The following GNA14 variants were observed in gnomAD, a reference collection of about 807,000 sequenced individuals.
GNA14 encodes the protein guanine nucleotide-binding protein subunit alpha-14.
In GNA14, 50 loss-of-function variants were observed where a neutral mutation model predicts 42.0. The ratio of observed to expected loss-of-function variants is 1.19; its 90% confidence interval spans 0.95 to 1.51. GNA14 has a LOEUF of 1.51. GNA14 is among the 40% of genes most tolerant of loss of function. GNA14 has a pLI of 0.00. For synonymous variants in GNA14, 173 were observed against 163.1 expected, an observed-to-expected ratio of 1.06 and a Z score of -0.46; for missense variants, 473 against 446.2, an observed-to-expected ratio of 1.06 and a Z score of -0.54.
At chr9:77,459,520 A>G (rs974660054) in intron 2 of GNA14, among the ~76,000 whole-genome samples, 6 of 151,828 alleles carry the variant, frequency 4.0e-5, no homozygotes, top group African/African-American at 1.5e-4. Context: ...CCTCCCCAAC[A>G]TACGGCCCCA....
At chr9:77,579,295 A>G (rs1823178084) in intron 1 of GNA14, among the ~76,000 whole-genome samples, 1 of 152,084 alleles carries the variant, frequency 6.6e-6, no homozygotes, top group African/African-American at 2.4e-5. Flanking sequence ...GCCAACAAAC[A>G]CCCATACCCA....
intron 1 of GNA14, among the ~76,000 whole-genome samples, chr9:77,592,096 AAT>A (rs1356323890): frequency 2.0e-5 from 3 of 151,768 alleles, no homozygotes; most frequent in Non-Finnish European, 4.4e-5. Context: ...TTGTATTTTT[AAT>A]AGAGACGGGG....
At chr9:77,475,540 G>A (rs190530916) in intron 2 of GNA14, among the ~76,000 whole-genome samples, 1 of 151,562 alleles carries the variant, frequency 6.6e-6, no homozygotes, top group Non-Finnish European at 1.5e-5. Flanking sequence ...AGAGCTGGGG[G>A]AATCTGGCTG....
chr9:77,473,516 C>T (rs1836367520), intron 2 of GNA14, among the ~76,000 whole-genome samples: 1 of 151,534 alleles, frequency 6.6e-6, no homozygotes, highest in African/African-American at 2.4e-5. Flanking sequence ...AAACATCCCA[C>T]ATTCATGAAT....
At chr9:77,494,584 T>C (rs889181878) in intron 2 of GNA14, among the ~76,000 whole-genome samples, 6 of 152,244 alleles carry the variant, frequency 3.9e-5, no homozygotes, top group African/African-American at 1.4e-4. Flanking sequence ...GTATTTCTTA[T>C]ACATATTTGG....
chr9:77,423,860 C>T lies in GNA14; in HGVS notation c.*119G>A, dbSNP rs150360006. ...CACCCATCTCTGTCCCCACGATCTACATGACATCCTTAGTTCCTGGCATGG... is the reference window on the plus strand; with the variant it reads ...CACCCATCTCTGTCCCCACGATCTATATGACATCCTTAGTTCCTGGCATGG... On this transcript the variant is annotated 3_prime_UTR_variant, in exon 7 of 7. Coordinates refer to ENST00000341700, the MANE Select transcript of GNA14 (RefSeq NM_004297.4). 5.0e-4 allele frequency: 290 copies of T among 585,748 alleles called. No homozygotes were observed. The highest frequency in any genetic ancestry group is 4.8e-3 in the African/African-American group (252 of 52,666). 36.3% of individuals were successfully genotyped at this position (585,748 alleles called of 1,614,324 possible).
intron 2 of GNA14, among the ~76,000 whole-genome samples, chr9:77,479,238 T>C (rs1836496027): frequency 6.6e-6 from 1 of 152,244 alleles, no homozygotes; most frequent in Admixed American, 6.5e-5. Flanking sequence ...GCTTTCTACA[T>C]ATGGCGAGCC....
intron 2 of GNA14, among the ~76,000 whole-genome samples, chr9:77,503,728 G>A (rs1042134027): frequency 1.3e-5 from 2 of 149,574 alleles, no homozygotes; most frequent in Non-Finnish European, 3.0e-5. Context: ...TGTGATCTCG[G>A]CTCACTGCAG....
intron 2 of GNA14, among the ~76,000 whole-genome samples, chr9:77,524,268 G>A (rs761416624): frequency 3.9e-5 from 6 of 152,090 alleles, no homozygotes; most frequent in Non-Finnish European, 7.4e-5. Flanking sequence ...AAACAAATGC[G>A]GAACTAAATT....
chr9:77,461,755 T>TGAAC (rs149831728), intron 2 of GNA14, among the ~76,000 whole-genome samples: 3 of 116,516 alleles, frequency 2.6e-5, no homozygotes, highest in African/African-American at 9.5e-5. Context: ...TAGAATTTCT[T>TGAAC]GAATAATAGT....
intron 1 of GNA14, among the ~76,000 whole-genome samples, chr9:77,530,379 G>A (rs1411771095): frequency 6.6e-6 from 1 of 152,108 alleles, no homozygotes; most frequent in African/African-American, 2.4e-5. Context: ...ATGATTGTAA[G>A]TTTCCTGAGG....
At chr9:77,562,766 T>C in intron 1 of GNA14, among the ~76,000 whole-genome samples, 1 of 152,324 alleles carries the variant, frequency 6.6e-6, no homozygotes, top group African/African-American at 2.4e-5. Flanking sequence ...TAACTTTATG[T>C]TTAAAATTTT....
At chr9:77,501,420 T>C (rs1836968823) in intron 2 of GNA14, among the ~76,000 whole-genome samples, 2 of 152,176 alleles carry the variant, frequency 1.3e-5, no homozygotes, top group South Asian at 2.1e-4. Context: ...TAATACCTCA[T>C]TGTGATTTTA....
At chr9:77,602,589 TCTC>T (rs1823584405) in intron 1 of GNA14, among the ~76,000 whole-genome samples, 1 of 151,532 alleles carries the variant, frequency 6.6e-6, no homozygotes, top group South Asian at 2.1e-4. Flanking sequence ...CATTCTCCTC[TCTC>T]CTCCTCTCCA....
chr9:77,437,634 G>GA (rs951306546), intron 2 of GNA14, among the ~76,000 whole-genome samples: 2 of 151,356 alleles, frequency 1.3e-5, no homozygotes, highest in Non-Finnish European at 2.9e-5. Context: ...AAGAAAGAAA[G>GA]AAAAAAGGAA....
At position 77,521,892 on chromosome 9, in the gene GNA14, G is replaced by C. The variant is rs1430313859; in HGVS notation, c.309+7177C>G. 2.0e-5 allele frequency among the ~76,000 whole-genome samples: 3 copies of C among 152,182 alleles called. No homozygotes were observed. In the South Asian group the frequency reaches 6.2e-4, roughly 32 times the overall value. ...CTGTCACCCAGGCTGGGGTGCAATG[G>C]CGCGATCTTGGCTCACTGCAACCTC... On this transcript the variant is annotated intron_variant, in intron 2 of 6. Coordinates refer to ENST00000341700, the MANE Select transcript of GNA14 (RefSeq NM_004297.4).
chr9:77,512,895 T>A (rs370859463), intron 2 of GNA14, among the ~76,000 whole-genome samples: 1 of 152,200 alleles, frequency 6.6e-6, no homozygotes, highest in Non-Finnish European at 1.5e-5. Flanking sequence ...CAAAATAAAT[T>A]TGAAATAATC....
At chr9:77,577,370 G>T (rs1823144674) in intron 1 of GNA14, among the ~76,000 whole-genome samples, 1 of 152,130 alleles carries the variant, frequency 6.6e-6, no homozygotes, top group Non-Finnish European at 1.5e-5. Context: ...TACCAATTTG[G>T]TTAGTATAAC....
intron 2 of GNA14, among the ~76,000 whole-genome samples, chr9:77,483,529 TGAG>T: frequency 6.6e-6 from 1 of 152,266 alleles, no homozygotes; most frequent in East Asian, 1.9e-4. Context: ...GGGATCCACT[TGAG>T]GAGGCAGTCT....
Sources: gnomAD v4.1 joint callset for allele counts (sites outside exome capture counted in the v4.1 genomes callset) on GRCh38, gnomAD v4.1.1 for gene constraint, MANE v1.5 for transcripts, NCBI Gene and HGNC (gene_info 2026-07-23, HGNC 2026-07-21) for gene names.